Variants in UBE3A observed in about 807,000 individuals in gnomAD.
UBE3A encodes the protein ubiquitin protein ligase E3A.
UBE3A carries 6 observed loss-of-function variants against 83.4 expected under a neutral mutation model. The ratio of observed to expected loss-of-function variants is 0.07; its 90% CI spans 0.04 to 0.14. The LOEUF is 0.14. Among genes scored for constraint, UBE3A ranks in the 10% least tolerant of loss-of-function variants. The pLI, the probability that UBE3A is intolerant of heterozygous loss-of-function variation, is 1.00. For missense variants in UBE3A, 456 were observed against 1,036.1 expected, an observed-to-expected ratio of 0.44 and a Z score of 7.69; for synonymous variants, 337 against 355.4, an observed-to-expected ratio of 0.95 and a Z score of 0.58.
chr15:25,418,409 G>C (rs142064929), intron 1 of UBE3A: 3 of 152,092 alleles, frequency 2.0e-5, no homozygotes, highest in Non-Finnish European at 4.4e-5. Flanking sequence ...AAACAGCCCA[G>C]GTGTCCCTTA....
intron 3 of UBE3A, chr15:25,407,124 C>T (rs2153059658): frequency 7.4e-7 from 1 of 1,350,636 alleles, no homozygotes; most frequent in East Asian, 4.6e-5. Context: ...ACTTGTATCT[C>T]CCAGACAGAA....
intron 12 of UBE3A, chr15:25,339,751 A>C (rs2074414653): frequency 2.7e-6 from 1 of 364,050 alleles, no homozygotes; most frequent in African/African-American, 2.1e-5. Flanking sequence ...GCACAATCAA[A>C]TGATAATCTT....
intron 4 of UBE3A, among the ~76,000 whole-genome samples, chr15:25,394,847 G>T (rs1347646878): frequency 6.6e-6 from 1 of 152,228 alleles, no homozygotes; most frequent in Non-Finnish European, 1.5e-5. Context: ...CATGTAGGAA[G>T]TAGTTACTGA....
rs761115114 is a variant in UBE3A at position 25,339,088 on chromosome 15, TTC to T, written c.*47_*48del. On this transcript the variant is annotated 3_prime_UTR_variant, in exon 13 of 13. Transcript: ENST00000648336. ...ATATTTTTAAAATTTTTTAAATTTT[TTC>T]TTTTTTTTTCCTTCCTTTTTTTTGT... The T allele has an allele frequency of 2.8e-5, 41 of 1,481,876 alleles. No individual in the cohort carries two copies. Among genetic ancestry groups the T allele is most frequent in the African/African-American group, 1.4e-5 (1 of 69,850 alleles). 91.8% of individuals were successfully genotyped at this position (1,481,876 alleles called of 1,614,324 possible).
intron 4 of UBE3A, among the ~76,000 whole-genome samples, chr15:25,393,004 T>C (rs2084764108): frequency 6.6e-6 from 1 of 152,138 alleles, no homozygotes; most frequent in Non-Finnish European, 1.5e-5. Flanking sequence ...ACCCACTACA[T>C]TCATAAACCA....
chr15:25,437,839 C>T (rs905907033), intron 1 of UBE3A, among the ~76,000 whole-genome samples: 11 of 150,106 alleles, frequency 7.3e-5, no homozygotes, highest in African/African-American at 2.7e-4. Context: ...TTTTCATTTT[C>T]TACACTGAAA....
chr15:25,374,261 G>C (rs1056455790), intron 5 of UBE3A: 2 of 152,206 alleles, frequency 1.3e-5, no homozygotes, highest in African/African-American at 4.8e-5. Context: ...ATAAAGACTG[G>C]ATAAAGCCAC....
At chr15:25,433,629 A>G (rs1894151685) in intron 1 of UBE3A, among the ~76,000 whole-genome samples, 1 of 152,216 alleles carries the variant, frequency 6.6e-6, no homozygotes, top group Admixed American at 6.5e-5. Context: ...GACCATTACG[A>G]AGCTAGTTAA....
At chr15:25,394,718 A>T (rs1232389557) in intron 4 of UBE3A, among the ~76,000 whole-genome samples, 3 of 152,236 alleles carry the variant, frequency 2.0e-5, no homozygotes, top group Non-Finnish European at 4.4e-5. Flanking sequence ...GGCTGTGTAC[A>T]TACTTATCAG....
intron 4 of UBE3A, chr15:25,393,922 C>T (rs1315013378): frequency 6.6e-6 from 1 of 152,112 alleles, no homozygotes; most frequent in Non-Finnish European, 1.5e-5. Context: ...TGCATTTTTT[C>T]ACACCTTCTC....
intron 4 of UBE3A, among the ~76,000 whole-genome samples, chr15:25,398,216 A>G (rs2086062052): frequency 6.6e-6 from 1 of 151,618 alleles, no homozygotes; most frequent in South Asian, 2.1e-4. Context: ...AAAAGGATAC[A>G]TATTTATTGT....
At chr15:25,412,310 A>G (rs2090145700) in intron 1 of UBE3A, among the ~76,000 whole-genome samples, 1 of 152,188 alleles carries the variant, frequency 6.6e-6, no homozygotes, top group African/African-American at 2.4e-5. Flanking sequence ...TCAAATACCT[A>G]TAGCAATTTT....
intron 5 of UBE3A, chr15:25,374,319 G>C (rs904019176): frequency 1.3e-5 from 2 of 152,304 alleles, no homozygotes; most frequent in Non-Finnish European, 2.9e-5. Flanking sequence ...GAGCAGATGA[G>C]CACATTCCTC....
At chr15:25,373,431 TCTA>T (rs1361878938) in intron 5 of UBE3A, 1 of 152,168 alleles carries the variant, frequency 6.6e-6, no homozygotes, top group African/African-American at 2.4e-5. Context: ...ATTCTGACAG[TCTA>T]CTAATCCTAT....
intron 4 of UBE3A, among the ~76,000 whole-genome samples, chr15:25,379,592 T>G (rs2081826349): frequency 6.6e-6 from 1 of 152,170 alleles, no homozygotes; most frequent in Non-Finnish European, 1.5e-5. Flanking sequence ...TTATCTGACC[T>G]CATCTGCATC....
Position 25,339,133 on chromosome 15 carries a change from T to C in UBE3A, c.*4A>G, listed in dbSNP as rs755581358. 110 of 1,545,792 alleles carry C rather than the reference T, an allele frequency of 7.1e-5. No homozygotes were observed. The highest frequency in any genetic ancestry group is 9.2e-5 in the Non-Finnish European group (106 of 1,150,718). On this transcript the variant is annotated 3_prime_UTR_variant, in exon 13 of 13. Coordinates refer to ENST00000648336, the MANE Select transcript of UBE3A (RefSeq NM_130839.5). Reference sequence around the variant, plus strand: ...TTTTTTGTTTTATTTTGTTTTGTTTTGTTTTACAGCATGCCAAATCCTTTG... The same window carrying C: ...TTTTTTGTTTTATTTTGTTTTGTTTCGTTTTACAGCATGCCAAATCCTTTG...
At chr15:25,379,647 A>T (rs1467339405) in intron 4 of UBE3A, among the ~76,000 whole-genome samples, 1 of 152,186 alleles carries the variant, frequency 6.6e-6, no homozygotes, top group Non-Finnish European at 1.5e-5. Context: ...AATTTAGAGC[A>T]CATAAAAGGG....
At chr15:25,363,941 C>T (rs2078566515) in intron 6 of UBE3A, among the ~76,000 whole-genome samples, 2 of 151,872 alleles carry the variant, frequency 1.3e-5, no homozygotes, top group South Asian at 4.2e-4. Flanking sequence ...CCTGTAATCC[C>T]ACCACTTTGG....
At chr15:25,412,317 T>C (rs1596321604) in intron 1 of UBE3A, among the ~76,000 whole-genome samples, 1 of 152,342 alleles carries the variant, frequency 6.6e-6, no homozygotes, top group East Asian at 1.9e-4. Flanking sequence ...CCTATAGCAA[T>C]TTTGTTTTTA....
Sources: allele counts gnomAD v4.1 joint callset (sites outside exome capture counted in the v4.1 genomes callset), GRCh38; gene constraint gnomAD v4.1.1; transcripts MANE v1.5; gene names NCBI Gene and HGNC (gene_info 2026-07-23, HGNC 2026-07-21).